Variants in RAB38 observed in about 807,000 individuals in gnomAD.
The protein encoded by RAB38 is ras-related protein Rab-38.
RAB38 carries 15 observed loss-of-function variants against 18.4 expected under a neutral mutation model. The observed-to-expected ratio is 0.82, with a 90% CI of 0.55 to 1.26. The LOEUF (loss-of-function observed/expected upper bound fraction) is 1.26, where lower values mean the gene tolerates loss of function less well. RAB38 is among the 50% of genes most tolerant of loss of function. The probability of loss-of-function intolerance (pLI) is 0.00; values close to 1 mark genes in which losing one functional copy is unlikely to be tolerated. For missense variants in RAB38, 294 were observed against 267.4 expected (o/e 1.10, Z -0.69); for synonymous variants, 101 against 104.4 (o/e 0.97, Z 0.20).
the RAB38 span, among the ~76,000 whole-genome samples, chr11:87,914,717 C>T: frequency 6.6e-6 from 1 of 152,124 alleles, no homozygotes. Flanking sequence ...CCAGGCTGCC[C>T]CTCCCATCCA....
At chr11:87,920,869 T>C in the RAB38 span, among the ~76,000 whole-genome samples, 1 of 152,094 alleles carries the variant, frequency 6.6e-6, no homozygotes, top group South Asian at 2.1e-4. Flanking sequence ...GATGAATTGA[T>C]TCCTTTATCA....
the RAB38 span, among the ~76,000 whole-genome samples, chr11:87,920,482 C>T: frequency 6.6e-6 from 1 of 151,976 alleles, no homozygotes; most frequent in African/African-American, 2.4e-5. Flanking sequence ...TAATTTTAGA[C>T]CATTGTGGTC....
chr11:87,909,009 C>G, the RAB38 span, among the ~76,000 whole-genome samples: 365 of 152,026 alleles, frequency 2.4e-3, 6 homozygotes, highest in Admixed American at 0.019. Context: ...GCAGAGGATG[C>G]TTCAGTGTAT....
the RAB38 span, among the ~76,000 whole-genome samples, chr11:87,938,690 A>G: frequency 7.4e-5 from 11 of 148,436 alleles, no homozygotes; most frequent in Non-Finnish European, 1.5e-4. Flanking sequence ...AAAAACCACA[A>G]AATTTTGTTG....
the RAB38 span, among the ~76,000 whole-genome samples, chr11:88,031,084 C>A: frequency 6.6e-6 from 1 of 151,000 alleles, no homozygotes; most frequent in East Asian, 1.9e-4. Flanking sequence ...ATACACAAAT[C>A]AATAAATGTA....
chr11:88,039,976 A>G, the RAB38 span, among the ~76,000 whole-genome samples: 2 of 152,272 alleles, frequency 1.3e-5, no homozygotes, highest in South Asian at 2.1e-4. Context: ...TAAACAAAAA[A>G]CTGGCATTTG....
At chr11:88,031,486 T>C in the RAB38 span, among the ~76,000 whole-genome samples, 3 of 152,016 alleles carry the variant, frequency 2.0e-5, no homozygotes, top group South Asian at 2.1e-4. Context: ...AACCCCATTG[T>C]CTCAGCCCAA....
the RAB38 span, among the ~76,000 whole-genome samples, chr11:88,034,345 CT>C: frequency 6.6e-6 from 1 of 152,312 alleles, no homozygotes; most frequent in Non-Finnish European, 1.5e-5. Context: ...TGAGCATAAG[CT>C]TTTATTCTAT....
chr11:88,080,131 C>T, the RAB38 span, among the ~76,000 whole-genome samples: 7 of 151,586 alleles, frequency 4.6e-5, no homozygotes, highest in Non-Finnish European at 1.5e-5. Flanking sequence ...CATTTCCATA[C>T]ATAGAAAAAA....
the RAB38 span, among the ~76,000 whole-genome samples, chr11:88,103,839 G>A: frequency 6.6e-6 from 1 of 152,092 alleles, no homozygotes; most frequent in African/African-American, 2.4e-5. Context: ...CAGGAGGGAG[G>A]GGATTCTCTT....
the RAB38 span, among the ~76,000 whole-genome samples, chr11:88,056,890 T>C: frequency 1.3e-5 from 2 of 152,300 alleles, no homozygotes; most frequent in South Asian, 2.1e-4. Flanking sequence ...TTAGGGGATA[T>C]AGAAACTACC....
At chr11:88,069,199 G>A in the RAB38 span, among the ~76,000 whole-genome samples, 2 of 152,228 alleles carry the variant, frequency 1.3e-5, no homozygotes, top group African/African-American at 2.4e-5. Flanking sequence ...CCCGGGCCAG[G>A]AGGTGCGGAG....
At chr11:87,951,700 T>C in the RAB38 span, among the ~76,000 whole-genome samples, 3 of 152,194 alleles carry the variant, frequency 2.0e-5, no homozygotes, top group Non-Finnish European at 2.9e-5. Flanking sequence ...CAGCGGAGGC[T>C]GCAGAACAGC....
chr11:87,880,153 G>T, the RAB38 span: 54 of 151,866 alleles, frequency 3.6e-4, no homozygotes, highest in African/African-American at 1.2e-3. Context: ...ACTAGAAATA[G>T]TATTTTTATT....
the RAB38 span, among the ~76,000 whole-genome samples, chr11:87,873,166 T>C: frequency 0.02 from 2,999 of 151,640 alleles, 110 homozygotes; most frequent in East Asian, 0.15. Context: ...TAATATCTCA[T>C]GGTTGTGTCA....
chr11:88,059,693 CAAGAT>C, the RAB38 span, among the ~76,000 whole-genome samples: 1 of 152,188 alleles, frequency 6.6e-6, no homozygotes, highest in African/African-American at 2.4e-5. Context: ...TTACACTGAA[CAAGAT>C]GAGATCCCTC....
chr11:87,852,130 C>A, the RAB38 span, among the ~76,000 whole-genome samples: 1 of 151,934 alleles, frequency 6.6e-6, no homozygotes. Flanking sequence ...GTCCGTGTGT[C>A]TTTAGAGACA....
chr11:87,925,669 G>A, the RAB38 span, among the ~76,000 whole-genome samples: 1 of 152,052 alleles, frequency 6.6e-6, no homozygotes, highest in Non-Finnish European at 1.5e-5. Context: ...CAAGTCCCAA[G>A]AGGTGATCTC....
chr11:87,861,757 A>G, the RAB38 span, among the ~76,000 whole-genome samples: 6 of 151,854 alleles, frequency 4.0e-5, no homozygotes, highest in Admixed American at 3.3e-4. Context: ...TCAATGGGAA[A>G]TCATTAGACA....
Sources: allele counts gnomAD v4.1 joint callset (sites outside exome capture counted in the v4.1 genomes callset), GRCh38; gene constraint gnomAD v4.1.1; transcripts MANE v1.5; gene names NCBI Gene and HGNC (gene_info 2026-07-23, HGNC 2026-07-21).